PPIL1: variants seen among roughly 807,000 people sequenced by gnomAD.
PPIL1 encodes peptidyl-prolyl cis-trans isomerase-like 1.
PPIL1 carries 14 observed loss-of-function variants against 19.4 expected under a neutral mutation model. The ratio of observed to expected loss-of-function variants is 0.72; its 90% confidence interval spans 0.48 to 1.13. The LOEUF (loss-of-function observed/expected upper bound fraction) is 1.13. Among genes scored for constraint, PPIL1 ranks in the 50% most tolerant of loss-of-function variants. PPIL1 has a pLI of 0.00. For missense variants in PPIL1, 192 were observed against 218.0 expected (o/e 0.88, Z 0.75); for synonymous variants, 72 against 73.6 (o/e 0.98, Z 0.11).
chr6:36,858,337 T>G (rs1263902261), intron 2 of PPIL1, among the ~76,000 whole-genome samples: 1 of 152,040 alleles, frequency 6.6e-6, no homozygotes, highest in African/African-American at 2.4e-5. Context: ...TAATCAATTA[T>G]GTAGTCAATC....
chr6:36,870,745 C>T (rs994039225), intron 2 of PPIL1, among the ~76,000 whole-genome samples: 30 of 152,094 alleles, frequency 2.0e-4, no homozygotes, highest in African/African-American at 4.6e-4. Context: ...CTCAGCCTCC[C>T]GACTAAGAAC....
At chr6:36,862,811 T>C (rs1450000025) in intron 2 of PPIL1, among the ~76,000 whole-genome samples, 1 of 152,232 alleles carries the variant, frequency 6.6e-6, no homozygotes, top group Non-Finnish European at 1.5e-5. Flanking sequence ...AAAGCAGTGC[T>C]ACCTGACACA....
At chr6:36,870,159 G>A (rs535815116) in intron 2 of PPIL1, among the ~76,000 whole-genome samples, 89 of 149,116 alleles carry the variant, frequency 6.0e-4, no homozygotes, top group African/African-American at 1.9e-3. Context: ...ATCATGAGAC[G>A]ATTAAGAATG....
intron 2 of PPIL1, among the ~76,000 whole-genome samples, chr6:36,862,451 A>G (rs1384787929): frequency 6.6e-6 from 1 of 152,208 alleles, no homozygotes; most frequent in Admixed American, 6.5e-5. Context: ...CCCAGTTGTG[A>G]CTTACTGATA....
chr6:36,874,619 G>A, intron 1 of PPIL1, 98 bp downstream of exon 1: 1 of 1,499,944 alleles, frequency 6.7e-7, no homozygotes, highest in Non-Finnish European at 9.2e-7. Context: ...TCCACGTGGA[G>A]GCCGGCCTCC....
At position 36,855,921 on chromosome 6, in the gene PPIL1, T is replaced by G. The variant is rs759899066; in HGVS notation, c.393A>C (p.Arg131=). 1.9e-6 allele frequency: 3 copies of G among 1,614,074 alleles called. No homozygotes were observed. Among genetic ancestry groups the G allele is most frequent in the Non-Finnish European group, 2.5e-6 (3 of 1,179,996 alleles). Residue 131 remains arginine (R), a synonymous_variant, in exon 4 of 4, where the codon CGA becomes CGC. Coordinates refer to ENST00000373699, the MANE Select transcript of PPIL1 (RefSeq NM_016059.5). ...WLDGKHTIFG[R]VCQGIGMVNR... ...TCACCATTCCTATGCCCTGACACAC[T>G]CGGCCAAAAATGGTGTGTTTGCCGT...
chr6:36,855,703 T>A lies in PPIL1; in HGVS notation c.*110A>T. The stretch of plus-strand genomic sequence containing the variant: ...ACCCAAGATGCCAGGCCTCCTAAGC[T>A]TCATGACTTGCAAAGCCAAAATGAA... On this transcript the variant is annotated 3_prime_UTR_variant, in exon 4 of 4. Transcript: ENST00000373699. 8.8e-7 allele frequency: 1 copy of A among 1,133,114 alleles called. No homozygotes were observed. Among genetic ancestry groups the A allele is most frequent in the Non-Finnish European group, 1.3e-6 (1 of 773,194 alleles). 70.2% of individuals were successfully genotyped at this position (1,133,114 alleles called of 1,614,324 possible).
chr6:36,861,701 C>CTTT (rs59996744), intron 2 of PPIL1, among the ~76,000 whole-genome samples: 2 of 138,828 alleles, frequency 1.4e-5, no homozygotes, highest in South Asian at 2.3e-4. Context: ...TTTTTAATTC[C>CTTT]TTTTTTTTTT....
rs1283934632 is a variant in PPIL1, at chr6:36,871,887, G to A, written c.57-15C>T. ...TGATTCCCATGCTGCAGAGGGAGAG[G>A]ACAACAGCTCCAGTAAACAAAAAGG... On this transcript the variant is annotated splice_polypyrimidine_tract_variant and intron_variant, in intron 1 of 3. Coordinates refer to ENST00000373699, the MANE Select transcript of PPIL1 (RefSeq NM_016059.5). 1 of 1,561,364 alleles carries A rather than the reference G, an allele frequency of 6.4e-7. No individual in the cohort carries two copies. Among genetic ancestry groups the A allele is most frequent in the East Asian group, 2.4e-5 (1 of 41,724 alleles).
At chr6:36,867,801 C>T (rs576126768) in intron 2 of PPIL1, among the ~76,000 whole-genome samples, 1 of 152,368 alleles carries the variant, frequency 6.6e-6, no homozygotes, top group South Asian at 2.1e-4. Context: ...TTCTCTCCCA[C>T]ACCTCTTCAG....
chr6:36,863,327 T>A (rs146849784), intron 2 of PPIL1, among the ~76,000 whole-genome samples: 266 of 152,278 alleles, frequency 1.7e-3, no homozygotes, highest in Non-Finnish European at 3.0e-3. Flanking sequence ...GAAGGAATTA[T>A]CAGAAGAGAA....
rs188824022 is a variant in PPIL1, at chr6:36,862,679, G to A, written c.212-6025C>T. Among the ~76,000 whole-genome samples, 26 of 152,312 alleles carry A rather than the reference G, an allele frequency of 1.7e-4. No homozygotes were observed. The East Asian group carries it at 4.8e-3, about 28-fold the overall frequency. ...AATGAAGTGGGGAAAGATATGGCAA[G>A]CCTAGATCCCTGACAACTCTTCTGG... On this transcript the variant is annotated intron_variant, in intron 2 of 3. Transcript: ENST00000373699.
chr6:36,872,782 T>C (rs369572581), intron 1 of PPIL1, among the ~76,000 whole-genome samples: 3 of 152,172 alleles, frequency 2.0e-5, no homozygotes, highest in Admixed American at 6.5e-5. Flanking sequence ...TAATTTGTTG[T>C]ATTTTTTTGT....
intron 2 of PPIL1, among the ~76,000 whole-genome samples, chr6:36,857,595 G>A (rs191641427): frequency 1.4e-4 from 21 of 152,106 alleles, no homozygotes; most frequent in Non-Finnish European, 2.1e-4. Flanking sequence ...GATTATAGGC[G>A]TGAACCACTG....
chr6:36,872,961 C>T (rs1037548314), intron 1 of PPIL1, among the ~76,000 whole-genome samples: 1 of 152,198 alleles, frequency 6.6e-6, no homozygotes, highest in Non-Finnish European at 1.5e-5. Context: ...GTGCCTTGCA[C>T]AGTGTAAACA....
intron 3 of PPIL1, 116 bp from the exon 4 acceptor site, chr6:36,856,149 C>T (rs1774163578): frequency 3.7e-6 from 4 of 1,085,488 alleles, no homozygotes; most frequent in Admixed American, 2.3e-5. Flanking sequence ...GGCCTCTGTC[C>T]AGACCCAGAC....
At chr6:36,863,898 G>A (rs1223009194) in intron 2 of PPIL1, among the ~76,000 whole-genome samples, 2 of 151,844 alleles carry the variant, frequency 1.3e-5, no homozygotes, top group South Asian at 4.2e-4. Context: ...GCTGCTCACT[G>A]GCAGCTGCTC....
intron 2 of PPIL1, among the ~76,000 whole-genome samples, chr6:36,859,062 C>T (rs1774225102): frequency 6.6e-6 from 1 of 152,178 alleles, no homozygotes; most frequent in South Asian, 2.1e-4. Flanking sequence ...GGACCCTGCC[C>T]TCTAGGAATG....
chr6:36,864,832 GA>G (rs1356368684), intron 2 of PPIL1, among the ~76,000 whole-genome samples: 1 of 152,150 alleles, frequency 6.6e-6, no homozygotes, highest in Non-Finnish European at 1.5e-5. Flanking sequence ...CCATCCCTGA[GA>G]GTATATTATG....
Sources: gnomAD v4.1 joint callset for allele counts (sites outside exome capture counted in the v4.1 genomes callset) on GRCh38, gnomAD v4.1.1 for gene constraint, MANE v1.5 for transcripts, NCBI Gene and HGNC (gene_info 2026-07-23, HGNC 2026-07-21) for gene names.